GRID2: variants seen among roughly 807,000 people sequenced by gnomAD.
GRID2 encodes glutamate receptor ionotropic, delta-2.
In GRID2, 33 loss-of-function variants were observed where a neutral mutation model predicts 114.8. The observed-to-expected ratio is 0.29, with a 90% CI of 0.22 to 0.38. GRID2 has a LOEUF of 0.38. Among genes scored for constraint, GRID2 ranks in the 10% least tolerant of loss-of-function variants. The probability of loss-of-function intolerance (pLI) is 1.00; values close to 1 mark genes in which losing one functional copy is unlikely to be tolerated. For synonymous variants in GRID2, 505 were observed against 449.9 expected (o/e 1.12, Z -1.55); for missense variants, 1,184 against 1,257.7 (o/e 0.94, Z 0.89).
At chr4:92,855,932 G>A (rs917776258) in intron 2 of GRID2, among the ~76,000 whole-genome samples, 12 of 151,944 alleles carry the variant, frequency 7.9e-5, no homozygotes, top group African/African-American at 2.9e-4. Flanking sequence ...CTACTTGAAG[G>A]TTGCATCATG....
chr4:93,076,866 C>T (rs926616540), intron 2 of GRID2, among the ~76,000 whole-genome samples: 1 of 152,042 alleles, frequency 6.6e-6, no homozygotes, highest in Admixed American at 6.5e-5. Flanking sequence ...GATCCACCTG[C>T]TTCGGCCCAA....
chr4:92,478,487 A>G (rs1029232599), intron 1 of GRID2, among the ~76,000 whole-genome samples: 1 of 152,232 alleles, frequency 6.6e-6, no homozygotes. Context: ...AAAGCTGGTC[A>G]TGCATTTTTC....
intron 1 of GRID2, among the ~76,000 whole-genome samples, chr4:92,573,052 A>G (rs533468594): frequency 3.9e-5 from 6 of 152,036 alleles, no homozygotes; most frequent in African/African-American, 1.4e-4. Context: ...CAGTCTTGGG[A>G]GAGTGTACGT....
At chr4:93,353,641 G>T (rs990595218) in intron 8 of GRID2, among the ~76,000 whole-genome samples, 7 of 151,886 alleles carry the variant, frequency 4.6e-5, no homozygotes, top group Non-Finnish European at 7.4e-5. Flanking sequence ...GATAATGGAA[G>T]AATAATATAG....
At chr4:92,538,826 T>C (rs1725780722) in intron 1 of GRID2, among the ~76,000 whole-genome samples, 1 of 152,122 alleles carries the variant, frequency 6.6e-6, no homozygotes, top group East Asian at 1.9e-4. Context: ...AAATGCCTAA[T>C]AGTCAGGAGA....
chr4:92,912,708 G>A (rs921722296), intron 2 of GRID2, among the ~76,000 whole-genome samples: 12 of 151,736 alleles, frequency 7.9e-5, no homozygotes, highest in Admixed American at 4.6e-4. Flanking sequence ...TTATTTAATT[G>A]TAGAGGCAAT....
chr4:92,410,043 C>G (rs546307725), intron 1 of GRID2, among the ~76,000 whole-genome samples: 1 of 152,262 alleles, frequency 6.6e-6, no homozygotes, highest in Non-Finnish European at 1.5e-5. Flanking sequence ...AATATAAATG[C>G]TATATTGAAG....
rs755397133 is a variant in GRID2 at position 92,938,999 on chromosome 4, A to G, written c.245-145996A>G. Among the ~76,000 whole-genome samples, 15 of 146,414 alleles carry G rather than the reference A, an allele frequency of 1.0e-4. 3 individuals are homozygous for G. The highest frequency in any genetic ancestry group is 6.5e-4 in the East Asian group (3 of 4,646). ...TTTGGGTGGGTTCCAAGTCTTTGCT[A>G]TTGTGAATAGTGCCGCAATAAACAT... On this transcript the variant is annotated intron_variant, in intron 2 of 15. Coordinates refer to ENST00000282020, the MANE Select transcript of GRID2 (RefSeq NM_001510.4).
intron 6 of GRID2, among the ~76,000 whole-genome samples, chr4:93,217,628 A>G (rs1744389272): frequency 1.3e-5 from 2 of 151,908 alleles, no homozygotes; most frequent in Admixed American, 6.6e-5. Context: ...AAGCAGGCAC[A>G]CAGGACAACA....
chr4:92,627,318 A>G (rs968813937), intron 2 of GRID2, among the ~76,000 whole-genome samples: 2 of 152,060 alleles, frequency 1.3e-5, no homozygotes, highest in Non-Finnish European at 2.9e-5. Flanking sequence ...TTTTTAACTT[A>G]AATCTCTCCG....
At chr4:92,717,007 T>C (rs535775827) in intron 2 of GRID2, among the ~76,000 whole-genome samples, 1 of 152,310 alleles carries the variant, frequency 6.6e-6, no homozygotes, top group South Asian at 2.1e-4. Context: ...ACTTAGTTCC[T>C]AAATTCAAAA....
chr4:93,311,507 G>A (rs1471382435), intron 8 of GRID2, among the ~76,000 whole-genome samples: 5 of 152,228 alleles, frequency 3.3e-5, no homozygotes, highest in Admixed American at 2.0e-4. Flanking sequence ...AAGCAAACAC[G>A]TAGTTAGATA....
intron 2 of GRID2, among the ~76,000 whole-genome samples, chr4:92,943,553 T>G (rs924926024): frequency 6.6e-6 from 1 of 152,156 alleles, no homozygotes; most frequent in South Asian, 2.1e-4. Context: ...AGTAGTTTGA[T>G]CGTCTGAAGC....
At chr4:93,408,371 C>CT (rs5860330) in intron 9 of GRID2, among the ~76,000 whole-genome samples, 23 of 148,638 alleles carry the variant, frequency 1.5e-4, no homozygotes, top group African/African-American at 4.0e-4. Context: ...TGCTCATTTT[C>CT]TTTTTTTTTT....
At chr4:93,782,333 C>T (rs1360138828) in intron 1 of GRID2, among the ~76,000 whole-genome samples, 4 of 152,064 alleles carry the variant, frequency 2.6e-5, no homozygotes, top group Admixed American at 6.5e-5. Context: ...TAAAATTAGC[C>T]CAAACATTAA....
At chr4:93,680,224 C>T (rs1049725990) in intron 14 of GRID2, among the ~76,000 whole-genome samples, 12 of 152,042 alleles carry the variant, frequency 7.9e-5, no homozygotes, top group African/African-American at 2.4e-4. Context: ...CAAGACTAAA[C>T]CAGGAAGAAG....
intron 10 of GRID2, among the ~76,000 whole-genome samples, chr4:93,428,715 G>A (rs1462620678): frequency 1.3e-5 from 2 of 152,004 alleles, no homozygotes. Flanking sequence ...AAAGCATGAG[G>A]TCAAATCACT....
intron 2 of GRID2, among the ~76,000 whole-genome samples, chr4:93,053,805 G>A (rs868742558): frequency 2.6e-5 from 4 of 152,030 alleles, no homozygotes; most frequent in South Asian, 4.1e-4. Flanking sequence ...GATAATACTG[G>A]GAAAGGAGCA....
intron 2 of GRID2, among the ~76,000 whole-genome samples, chr4:93,067,221 G>A (rs533825895): frequency 1.1e-3 from 170 of 152,128 alleles, no homozygotes; most frequent in African/African-American, 4.0e-3. Flanking sequence ...GGTAGTACAT[G>A]TTTTTTGAGA....
Sources: gnomAD v4.1 joint callset for allele counts (sites outside exome capture counted in the v4.1 genomes callset) on GRCh38, gnomAD v4.1.1 for gene constraint, MANE v1.5 for transcripts, NCBI Gene and HGNC (gene_info 2026-07-23, HGNC 2026-07-21) for gene names.